Variants in FAAH2 observed in about 807,000 individuals in gnomAD.
FAAH2 encodes fatty acid amide hydrolase 2, also known as fatty-acid amide hydrolase 2.
In FAAH2, 60 loss-of-function variants were observed where a neutral mutation model predicts 36.9. That is an observed-to-expected ratio of 1.63 (90% CI 1.32 to 2.02). The LOEUF (loss-of-function observed/expected upper bound fraction) is 2.02. Ranked by LOEUF, FAAH2 falls within the 30% of genes most tolerant of loss-of-function variation. The pLI is 0.00. For missense variants in FAAH2, 689 were observed against 397.5 expected (o/e 1.73, Z -6.23); for synonymous variants, 214 against 143.8 (o/e 1.49, Z -3.49).
intron 7 of FAAH2, among the ~76,000 whole-genome samples, chrX:57,423,553 A>G (rs893711256): frequency 2.7e-5 from 3 of 112,017 alleles, no homozygotes; most frequent in Non-Finnish European, 5.6e-5. Context: ...AGAGTGTGGA[A>G]GCAATGTGGG....
intron 5 of FAAH2, among the ~76,000 whole-genome samples, chrX:57,347,799 A>G (rs2053868854): frequency 9.2e-6 from 1 of 108,786 alleles, no homozygotes; most frequent in East Asian, 2.9e-4. Context: ...TTTATTAGTG[A>G]TTGGATTTTT....
At chrX:57,288,354 T>G (rs1602160747) in intron 1 of FAAH2, among the ~76,000 whole-genome samples, 1 of 82,455 alleles carries the variant, frequency 1.2e-5, no homozygotes, top group Non-Finnish European at 2.3e-5. Context: ...TTTTTTTTTT[T>G]TTTTTTTTTT....
At chrX:57,360,892 G>T (rs1472871176) in intron 5 of FAAH2, among the ~76,000 whole-genome samples, 2 of 110,640 alleles carry the variant, frequency 1.8e-5, no homozygotes, top group Admixed American at 1.9e-4. Context: ...TGTTCTTATT[G>T]TTCAACTGCC....
chrX:57,482,709 A>ATTTTTTTT (rs368783162), intron 10 of FAAH2, among the ~76,000 whole-genome samples: 1 of 63,892 alleles, frequency 1.6e-5, no homozygotes, highest in Non-Finnish European at 2.9e-5. Flanking sequence ...CATTCCCTCA[A>ATTTTTTTT]TTTTTTTTTT....
chrX:57,360,474 AT>A (rs2054261413), intron 5 of FAAH2, among the ~76,000 whole-genome samples: 1 of 109,117 alleles, frequency 9.2e-6, no homozygotes, highest in Non-Finnish European at 1.9e-5. Flanking sequence ...CCTCTACCAA[AT>A]TTTGCAATTC....
chrX:57,440,077 T>C (rs1225448840), intron 8 of FAAH2, among the ~76,000 whole-genome samples: 2 of 111,579 alleles, frequency 1.8e-5, no homozygotes, highest in African/African-American at 3.3e-5. Flanking sequence ...ATTGACTTGG[T>C]GATGCGGGCT....
At chrX:57,417,658 G>A (rs1199484749) in intron 7 of FAAH2, among the ~76,000 whole-genome samples, 1 of 111,665 alleles carries the variant, frequency 9.0e-6, no homozygotes, top group African/African-American at 3.3e-5. Context: ...TGTATGAGGT[G>A]TCTGTCGACC....
chrX:57,289,458 C>T (rs146595538), intron 1 of FAAH2, among the ~76,000 whole-genome samples: 12 of 110,967 alleles, frequency 1.1e-4, no homozygotes, highest in African/African-American at 3.6e-4. Flanking sequence ...TCATACATAG[C>T]CTGGTCATTT....
chrX:57,359,873 G>GA (rs745426046), intron 5 of FAAH2, among the ~76,000 whole-genome samples: 2 of 111,084 alleles, frequency 1.8e-5, no homozygotes, highest in South Asian at 3.8e-4. Context: ...TAAAGGGGAT[G>GA]AAAAACCTCA....
At chrX:57,190,797 A>G in the FAAH2 span, among the ~76,000 whole-genome samples, 1 of 108,903 alleles carries the variant, frequency 9.2e-6, no homozygotes, top group Non-Finnish European at 1.9e-5. Flanking sequence ...CCCACCTTCT[A>G]TGTTGGTCTC....
At chrX:57,284,899 A>T (rs1213450139), upstream of FAAH2, among the ~76,000 whole-genome samples, 3 of 112,179 alleles carry the variant, frequency 2.7e-5, no homozygotes, top group Non-Finnish European at 5.6e-5. Flanking sequence ...TGAGTGCTGG[A>T]TCTAGGATTT....
the FAAH2 span, among the ~76,000 whole-genome samples, chrX:57,219,098 A>T: frequency 8.9e-6 from 1 of 111,866 alleles, no homozygotes; most frequent in Admixed American, 9.4e-5. Context: ...ACCCCTGAAG[A>T]TTGAGAAAGA....
rs754425714 is a variant in FAAH2 at position 57,338,507 on chromosome X, C to A, written c.623-2764C>A. On this transcript the variant is annotated intron_variant, in intron 4 of 10. Transcript: ENST00000374900. ...CTTCAGTTACTTCAGGCCATCTGGG[C>A]ATATACTTGCAAGTCACAGGGGATG... is the stretch of plus-strand genomic sequence containing the variant. Among the ~76,000 whole-genome samples the A allele has an allele frequency of 3.3e-4, 37 of 111,450 alleles. No homozygotes were observed. In the Admixed American group the frequency reaches 3.4e-3, roughly 10 times the overall value.
rs2056977248 is a variant in FAAH2, at chrX:57,462,446, A to C, written c.1423+13728A>C. Among the ~76,000 whole-genome samples, 3 of 111,785 alleles carry C rather than the reference A, an allele frequency of 2.7e-5. No homozygotes were observed. The Admixed American group carries it at 2.8e-4, about 11-fold the overall frequency. On this transcript the variant is annotated intron_variant, in intron 10 of 10. Transcript: ENST00000374900. ...CAAACCGAATCCACCTGCACATCAAAAAGCTTATCCATCACGATGAAGTCG... is the reference window on the plus strand; with the variant it reads ...CAAACCGAATCCACCTGCACATCAACAAGCTTATCCATCACGATGAAGTCG...
chrX:57,202,667 A>T, the FAAH2 span, among the ~76,000 whole-genome samples: 1 of 111,732 alleles, frequency 8.9e-6, no homozygotes, highest in African/African-American at 3.3e-5. Flanking sequence ...TAAGGCCCAC[A>T]GGCTCTACAG....
chrX:57,153,621 A>T, the FAAH2 span, among the ~76,000 whole-genome samples: 6 of 112,025 alleles, frequency 5.4e-5, no homozygotes, highest in Admixed American at 5.7e-4. Context: ...TTCAATTATG[A>T]ATCTTAGTTT....
At chrX:57,191,895 A>G in the FAAH2 span, among the ~76,000 whole-genome samples, 9 of 111,762 alleles carry the variant, frequency 8.1e-5, no homozygotes, top group Non-Finnish European at 1.3e-4. Flanking sequence ...CTGTAGTATA[A>G]CTTGAAGTCA....
chrX:57,219,863 C>CTTTTT, the FAAH2 span, among the ~76,000 whole-genome samples: 1,399 of 35,336 alleles, frequency 0.04, 132 homozygotes, highest in African/African-American at 0.078. Flanking sequence ...AGCGCCTTGT[C>CTTTTT]TTTTTTTTTT....
In FAAH2 at chrX:57,293,802, A is replaced by G. The variant is rs769562835; in HGVS notation, c.275+1222A>G. Reference sequence around the variant, plus strand: ...AATTTTGACCTTGTTGAAAATAATGAGTTTGGGCTACTACTAGGAGACTGG... The same window carrying G: ...AATTTTGACCTTGTTGAAAATAATGGGTTTGGGCTACTACTAGGAGACTGG... On this transcript the variant is annotated intron_variant, in intron 2 of 10. Transcript: ENST00000374900. 3.6e-5 allele frequency among the ~76,000 whole-genome samples: 4 copies of G among 111,115 alleles called. No individual in the cohort carries two copies. In the South Asian group the frequency reaches 1.5e-3, roughly 43 times the overall value.
Sources: allele counts gnomAD v4.1 joint callset (sites outside exome capture counted in the v4.1 genomes callset), GRCh38; gene constraint gnomAD v4.1.1; transcripts MANE v1.5; gene names NCBI Gene and HGNC (gene_info 2026-07-23, HGNC 2026-07-21).